Variants in DLGAP1 observed in about 807,000 individuals in gnomAD.
DLGAP1 encodes disks large-associated protein 1.
Under a neutral mutation model 90.8 loss-of-function variants are expected in DLGAP1, and 11 were observed. That is an observed-to-expected ratio of 0.12 (90% CI 0.08 to 0.20). The LOEUF (loss-of-function observed/expected upper bound fraction) is 0.20, where lower values mean the gene tolerates loss of function less well. DLGAP1 is among the 10% of genes least tolerant of loss of function. The pLI is 1.00. For missense variants in DLGAP1, 1,050 were observed against 1,333.8 expected (o/e 0.79, Z 3.31); for synonymous variants, 558 against 540.7 (o/e 1.03, Z -0.44).
intron 2 of DLGAP1, among the ~76,000 whole-genome samples, chr18:4,057,475 G>A (rs530283414): frequency 2.6e-5 from 4 of 152,282 alleles, no homozygotes; most frequent in African/African-American, 7.2e-5. Context: ...CCACCCTAAC[G>A]GAAGAATCAG....
intron 7 of DLGAP1, among the ~76,000 whole-genome samples, chr18:3,704,189 C>A (rs2061366545): frequency 6.6e-6 from 1 of 152,166 alleles, no homozygotes; most frequent in Non-Finnish European, 1.5e-5. Context: ...TGCCAGGGAC[C>A]CCAGAGGTTG....
intron 1 of DLGAP1, among the ~76,000 whole-genome samples, chr18:4,213,152 T>C (rs1394672147): frequency 1.1e-4 from 16 of 152,218 alleles, no homozygotes. Flanking sequence ...CTGCCGTTCC[T>C]TGAAGCAGAT....
chr18:4,387,581 T>C (rs2082255848), intron 1 of DLGAP1, among the ~76,000 whole-genome samples: 1 of 152,208 alleles, frequency 6.6e-6, no homozygotes, highest in Non-Finnish European at 1.5e-5. Context: ...GCTTTCTCTA[T>C]GACATTTTGG....
intron 1 of DLGAP1, among the ~76,000 whole-genome samples, chr18:4,225,367 A>G (rs746934008): frequency 2.6e-5 from 4 of 152,124 alleles, no homozygotes; most frequent in Non-Finnish European, 5.9e-5. Context: ...AACTACCATA[A>G]ATACCTAACT....
intron 7 of DLGAP1, among the ~76,000 whole-genome samples, chr18:3,720,888 C>CCAAAAAAAAAAAAAAAAAA (rs1441095000): frequency 2.8e-4 from 14 of 50,306 alleles, no homozygotes; most frequent in African/African-American, 8.8e-4. Flanking sequence ...CTTGTCTCTA[C>CCAAAAAAAAAAAAAAAAAA]AAAAAAAAAA....
intron 7 of DLGAP1, among the ~76,000 whole-genome samples, chr18:3,726,681 G>A (rs974549913): frequency 6.6e-6 from 1 of 152,192 alleles, no homozygotes; most frequent in Middle Eastern, 3.2e-3. Context: ...CACCTGTAAA[G>A]ATGATACATT....
At chr18:3,756,512 G>GA (rs1235885327) in intron 5 of DLGAP1, among the ~76,000 whole-genome samples, 2 of 151,838 alleles carry the variant, frequency 1.3e-5, no homozygotes, top group Non-Finnish European at 2.9e-5. Context: ...ATCTATGTTA[G>GA]AAAAAAGAAA....
At chr18:4,045,042 A>T (rs2075028234) in intron 2 of DLGAP1, among the ~76,000 whole-genome samples, 1 of 152,126 alleles carries the variant, frequency 6.6e-6, no homozygotes, top group African/African-American at 2.4e-5. Context: ...AACTAAAGAC[A>T]AGTTATAATC....
intron 1 of DLGAP1, among the ~76,000 whole-genome samples, chr18:4,422,476 G>A (rs1302572396): frequency 6.6e-6 from 1 of 151,884 alleles, no homozygotes; most frequent in Non-Finnish European, 1.5e-5. Context: ...GTTGTGCAGT[G>A]AGTTTATTTA....
At chr18:3,888,494 G>A (rs1282911110) in intron 3 of DLGAP1, among the ~76,000 whole-genome samples, 2 of 151,664 alleles carry the variant, frequency 1.3e-5, no homozygotes, top group African/African-American at 4.8e-5. Context: ...CTGTCAATCA[G>A]TCTGCTCCTA....
At chr18:3,646,229 C>T (rs1185393365) in intron 7 of DLGAP1, among the ~76,000 whole-genome samples, 2 of 152,120 alleles carry the variant, frequency 1.3e-5, no homozygotes, top group East Asian at 1.9e-4. Context: ...GACCTCATCT[C>T]TACAAAAATA....
At chr18:3,929,234 G>A (rs1452277412) in intron 3 of DLGAP1, among the ~76,000 whole-genome samples, 2 of 152,196 alleles carry the variant, frequency 1.3e-5, no homozygotes, top group African/African-American at 4.8e-5. Flanking sequence ...AAACTTAAGA[G>A]TAAAGTAAGG....
At chr18:3,580,876 T>C (rs577298948) in intron 8 of DLGAP1, 2 of 1,010,864 alleles carry the variant, frequency 2.0e-6, no homozygotes, top group South Asian at 1.4e-5. Context: ...GGTTGTACCC[T>C]GCAGTAGCGT....
intron 3 of DLGAP1, among the ~76,000 whole-genome samples, chr18:3,922,392 A>G (rs1054761851): frequency 5.9e-5 from 9 of 152,216 alleles, no homozygotes; most frequent in African/African-American, 2.2e-4. Flanking sequence ...CCTCAGTAAT[A>G]GCATTGTCAT....
At chr18:3,803,873 T>C (rs2066428783) in intron 5 of DLGAP1, among the ~76,000 whole-genome samples, 1 of 150,416 alleles carries the variant, frequency 6.6e-6, no homozygotes. Flanking sequence ...TTATACTTAT[T>C]TATGTTAAAC....
intron 5 of DLGAP1, among the ~76,000 whole-genome samples, chr18:3,756,971 C>A (rs1301478666): frequency 6.6e-6 from 1 of 152,154 alleles, no homozygotes; most frequent in Non-Finnish European, 1.5e-5. Flanking sequence ...ATAGTTCAGG[C>A]TCAGATCGTT....
chr18:3,622,358 T>G (rs1567851165), intron 7 of DLGAP1, among the ~76,000 whole-genome samples: 3 of 152,148 alleles, frequency 2.0e-5, no homozygotes, highest in Admixed American at 1.3e-4. Context: ...GCCTGCTTCA[T>G]TCTCCCAAAG....
chr18:4,192,079 A>C (rs1362864569), intron 1 of DLGAP1, among the ~76,000 whole-genome samples: 1 of 152,164 alleles, frequency 6.6e-6, no homozygotes, highest in East Asian at 1.9e-4. Flanking sequence ...TGAAGAAATG[A>C]CTTCATCAAT....
At chr18:4,396,012 T>C (rs543664749) in intron 1 of DLGAP1, among the ~76,000 whole-genome samples, 1 of 152,200 alleles carries the variant, frequency 6.6e-6, no homozygotes, top group South Asian at 2.1e-4. Flanking sequence ...TACAAACATA[T>C]GAAGGAGCAT....
Sources: allele counts gnomAD v4.1 joint callset (sites outside exome capture counted in the v4.1 genomes callset), GRCh38; gene constraint gnomAD v4.1.1; transcripts MANE v1.5; gene names NCBI Gene and HGNC (gene_info 2026-07-23, HGNC 2026-07-21).